RASSF3: variants seen among roughly 807,000 people sequenced by gnomAD.
RASSF3 encodes Ras association domain family member 3, also known as ras association domain-containing protein 3.
RASSF3 carries 19 observed loss-of-function variants against 19.9 expected under a neutral mutation model. That is an observed-to-expected ratio of 0.96 (90% CI 0.67 to 1.40). The LOEUF is 1.40. RASSF3 is among the 40% of genes most tolerant of loss of function. RASSF3 has a pLI of 0.00. For missense variants in RASSF3, 306 were observed against 289.8 expected, an observed-to-expected ratio of 1.06 and a Z score of -0.41; for synonymous variants, 110 against 104.2, an observed-to-expected ratio of 1.06 and a Z score of -0.34.
chr12:64,692,530 T>G (rs1223219018), intron 4 of RASSF3, among the ~76,000 whole-genome samples: 1 of 152,150 alleles, frequency 6.6e-6, no homozygotes, highest in African/African-American at 2.4e-5. Flanking sequence ...TTCTGGTGTT[T>G]TGAAGCTTTT....
chr12:64,525,911 G>A (rs562464892), intron 1 of RASSF3, among the ~76,000 whole-genome samples: 8 of 141,772 alleles, frequency 5.6e-5, no homozygotes, highest in South Asian at 2.3e-4. Context: ...CGTTACCTCC[G>A]TCCCAAAGGC....
At chr12:64,686,944 C>T (rs1379207860) in intron 2 of RASSF3, among the ~76,000 whole-genome samples, 2 of 152,232 alleles carry the variant, frequency 1.3e-5, no homozygotes, top group Non-Finnish European at 2.9e-5. Context: ...TTATATGTAA[C>T]ACTTGACAGT....
upstream of RASSF3, among the ~76,000 whole-genome samples, chr12:64,605,623 C>G (rs1870177450): frequency 6.6e-6 from 1 of 152,092 alleles, no homozygotes; most frequent in South Asian, 2.1e-4. Context: ...GGCGTGGTGG[C>G]TCACGCCTGT....
downstream of RASSF3, among the ~76,000 whole-genome samples, chr12:64,542,270 T>G (rs1592394942): frequency 1.3e-5 from 2 of 152,222 alleles, no homozygotes; most frequent in East Asian, 3.9e-4. Flanking sequence ...GGAGGTTGCA[T>G]TAAGCTGAGA....
intron 1 of RASSF3, among the ~76,000 whole-genome samples, chr12:64,625,744 A>AGCC (rs36048526): frequency 0.18 from 27,582 of 152,034 alleles, 2,752 homozygotes; most frequent in South Asian, 0.25. Flanking sequence ...CTGGGTTCCC[A>AGCC]GCCCTCTGTT....
intron 2 of RASSF3, among the ~76,000 whole-genome samples, chr12:64,589,732 G>A (rs1294104076): frequency 6.6e-6 from 1 of 152,022 alleles, no homozygotes; most frequent in Non-Finnish European, 1.5e-5. Context: ...GCTGGGTGTG[G>A]TAGCTCATGC....
intron 2 of RASSF3, among the ~76,000 whole-genome samples, chr12:64,591,801 A>G (rs1055931337): frequency 6.6e-6 from 1 of 152,216 alleles, no homozygotes; most frequent in African/African-American, 2.4e-5. Context: ...AATCAGAACT[A>G]TAAACCTAGA....
chr12:64,539,525 C>T (rs1225197504), intron 1 of RASSF3, among the ~76,000 whole-genome samples: 3 of 151,998 alleles, frequency 2.0e-5, no homozygotes, highest in Non-Finnish European at 2.9e-5. Flanking sequence ...ATCTGTAGTC[C>T]CAGCACCTTG....
chr12:64,618,565 G>C (rs1030518233), intron 1 of RASSF3, among the ~76,000 whole-genome samples: 1 of 152,120 alleles, frequency 6.6e-6, no homozygotes, highest in African/African-American at 2.4e-5. Context: ...CTGACCTCAT[G>C]ATCTGCCCTC....
rs762750058 is a variant in RASSF3, at chr12:64,540,760, C to A, written c.68-821C>A. On this transcript the variant is annotated intron_variant, in intron 1 of 1. Coordinates refer to the RASSF3 transcript ENST00000636333. ...GCTTGAGCCTAGGAGGTCAAGACTGCAGTAAGCTATGATTGCATCACTGCG... is the reference window on the plus strand; with the variant it reads ...GCTTGAGCCTAGGAGGTCAAGACTGAAGTAAGCTATGATTGCATCACTGCG... Among the ~76,000 whole-genome samples the A allele has an allele frequency of 3.8e-4, 58 of 152,142 alleles. 1 individual carries two copies. Among genetic ancestry groups the A allele is most frequent in the Non-Finnish European group, 1.8e-4 (12 of 68,028 alleles).
At chr12:64,584,327 C>T (rs114948150) in intron 2 of RASSF3, among the ~76,000 whole-genome samples, 509 of 152,044 alleles carry the variant, frequency 3.3e-3, no homozygotes, top group African/African-American at 0.012. Flanking sequence ...TTTCTTTTGC[C>T]CAGAGGGGAA....
Position 64,694,919 on chromosome 12 carries a change from G to A in RASSF3, c.*7G>A, listed in dbSNP as rs375195108. 1.9e-6 allele frequency: 3 copies of A among 1,613,398 alleles called. No individual in the cohort carries two copies. The East Asian group carries it at 6.7e-5, about 36-fold the overall frequency. On this transcript the variant is annotated 3_prime_UTR_variant, in exon 5 of 5. Coordinates refer to ENST00000542104, the MANE Select transcript of RASSF3 (RefSeq NM_178169.4). ...GGTGTGGAAGCCTGATTAAAGCGGG[G>A]CTCCCTGCCCGTGAGGCCCGGTGCA... is the stretch of plus-strand genomic sequence containing the variant.
chr12:64,567,634 G>C (rs1869451954), intron 2 of RASSF3, among the ~76,000 whole-genome samples: 1 of 152,216 alleles, frequency 6.6e-6, no homozygotes, highest in African/African-American at 2.4e-5. Context: ...GCTACAGCAT[G>C]AAGACTAGGA....
In RASSF3 at chr12:64,613,551, A is replaced by G. The variant is rs1038169250; in HGVS notation, c.111+2808A>G. 3.3e-5 allele frequency among the ~76,000 whole-genome samples: 5 copies of G among 152,170 alleles called. No homozygotes were observed. The East Asian group carries it at 5.8e-4, about 18-fold the overall frequency. ...ATAGTGCAACTTCTTTCTATCCCCA[A>G]CAGTAACAAAAACCTTATAAAGAAA... On this transcript the variant is annotated intron_variant, in intron 1 of 4. Coordinates refer to ENST00000542104, the MANE Select transcript of RASSF3 (RefSeq NM_178169.4).
At chr12:64,652,619 C>G (rs1872001496) in intron 1 of RASSF3, among the ~76,000 whole-genome samples, 1 of 152,114 alleles carries the variant, frequency 6.6e-6, no homozygotes, top group African/African-American at 2.4e-5. Flanking sequence ...CTGGGAGTGT[C>G]CAATCCAGAG....
intron 1 of RASSF3, among the ~76,000 whole-genome samples, chr12:64,525,479 T>A (rs762979051): frequency 1.3e-5 from 2 of 152,112 alleles, no homozygotes; most frequent in Non-Finnish European, 2.9e-5. Context: ...TTTCCCCCCA[T>A]CTCCTTTTAG....
upstream of RASSF3, among the ~76,000 whole-genome samples, chr12:64,608,447 G>T (rs988973132): frequency 6.6e-6 from 1 of 152,048 alleles, no homozygotes; most frequent in Non-Finnish European, 1.5e-5. Flanking sequence ...TCAGCCTCCC[G>T]AGTAGCTGGC....
At chr12:64,669,427 A>G (rs540993833) in intron 1 of RASSF3, among the ~76,000 whole-genome samples, 6 of 152,144 alleles carry the variant, frequency 3.9e-5, no homozygotes, top group Middle Eastern at 3.4e-3. Flanking sequence ...ATGTGGCTCT[A>G]GGCAGGGCAT....
At chr12:64,514,228 C>T (rs1479004812) in intron 1 of RASSF3, among the ~76,000 whole-genome samples, 1 of 133,382 alleles carries the variant, frequency 7.5e-6, no homozygotes, top group African/African-American at 2.9e-5. Context: ...GAGTCTCGCT[C>T]TGTAGCCCAG....
Sources: gnomAD v4.1 joint callset for allele counts (sites outside exome capture counted in the v4.1 genomes callset) on GRCh38, gnomAD v4.1.1 for gene constraint, MANE v1.5 for transcripts, NCBI Gene and HGNC (gene_info 2026-07-23, HGNC 2026-07-21) for gene names.